SLC35A1: variants seen among roughly 807,000 people sequenced by gnomAD.
The protein encoded by SLC35A1 is solute carrier family 35 member A1.
SLC35A1 carries 21 observed loss-of-function variants against 40.3 expected under a neutral mutation model. The ratio of observed to expected loss-of-function variants is 0.52; its 90% CI spans 0.37 to 0.75. The LOEUF (loss-of-function observed/expected upper bound fraction) is 0.75. Ranked by LOEUF, SLC35A1 falls within the 30% of genes least tolerant of loss-of-function variation. The pLI is 0.00. For synonymous variants in SLC35A1, 146 were observed against 147.3 expected, an observed-to-expected ratio of 0.99 and a Z score of 0.06; for missense variants, 297 against 382.1, an observed-to-expected ratio of 0.78 and a Z score of 1.86.
At chr6:87,507,841 ATC>A (rs1770136091) in intron 5 of SLC35A1, among the ~76,000 whole-genome samples, 2 of 115,406 alleles carry the variant, frequency 1.7e-5, no homozygotes, top group Non-Finnish European at 4.5e-5. Flanking sequence ...AAAATTTATT[ATC>A]CAGTTGGGGA....
chr6:87,484,412 A>G (rs961687891), intron 2 of SLC35A1, among the ~76,000 whole-genome samples: 1 of 152,158 alleles, frequency 6.6e-6, no homozygotes, highest in Non-Finnish European at 1.5e-5. Flanking sequence ...AGAAGGGTAC[A>G]CCCTCACAGT....
At chr6:87,477,220 T>G in intron 1 of SLC35A1, 142 bp from the exon 2 acceptor site, 1 of 729,052 alleles carries the variant, frequency 1.4e-6, no homozygotes, top group Admixed American at 2.4e-5. Context: ...AAACATTGTT[T>G]TGAAAAAAAT....
intron 2 of SLC35A1, among the ~76,000 whole-genome samples, chr6:87,485,268 C>G (rs879847556): frequency 2.0e-5 from 3 of 152,076 alleles, no homozygotes; most frequent in Admixed American, 6.5e-5. Flanking sequence ...AAATTCTTTT[C>G]CCATGTAATG....
intron 2 of SLC35A1, among the ~76,000 whole-genome samples, chr6:87,494,244 C>T (rs1158629042): frequency 6.6e-6 from 1 of 152,068 alleles, no homozygotes; most frequent in African/African-American, 2.4e-5. Context: ...TCTACTCCAA[C>T]ACAAAGATGT....
At chr6:87,482,934 G>A (rs780277785) in intron 2 of SLC35A1, among the ~76,000 whole-genome samples, 62 of 152,134 alleles carry the variant, frequency 4.1e-4, no homozygotes, top group Non-Finnish European at 7.6e-4. Context: ...GGTACAGATT[G>A]AATGCATTTG....
At chr6:87,493,752 CA>C (rs1192705030) in intron 2 of SLC35A1, among the ~76,000 whole-genome samples, 1 of 152,172 alleles carries the variant, frequency 6.6e-6, no homozygotes, top group Non-Finnish European at 1.5e-5. Context: ...TTACAGCATA[CA>C]GTAAAATACT....
intron 2 of SLC35A1, among the ~76,000 whole-genome samples, chr6:87,486,715 G>A (rs1769402694): frequency 6.6e-6 from 1 of 152,144 alleles, no homozygotes; most frequent in African/African-American, 2.4e-5. Context: ...GTAGACTTTA[G>A]GCAAGAAAAG....
Position 87,509,011 on chromosome 6 carries a change from GA to G in SLC35A1, c.752-29del, listed in dbSNP as rs1223716484. The G allele has an allele frequency of 3.2e-5, 51 of 1,612,120 alleles. No individual in the cohort carries two copies. The Admixed American group carries it at 8.0e-4, about 25-fold the overall frequency. ...TATGTAATGTTTCATTTATTTGAGT[GA>G]TAAGATTTTATTTCTCTCTGTATAC... On this transcript the variant is annotated intron_variant, in intron 6 of 7. Transcript: ENST00000369552.
intron 3 of SLC35A1, 70 bp from the exon 4 acceptor site, chr6:87,501,088 A>G: frequency 7.4e-7 from 1 of 1,347,972 alleles, no homozygotes; most frequent in Non-Finnish European, 1.1e-6. Flanking sequence ...TATCAATGAT[A>G]CCAGAAATAA....
chr6:87,480,346 G>C (rs775793542), intron 2 of SLC35A1, among the ~76,000 whole-genome samples: 1 of 152,194 alleles, frequency 6.6e-6, no homozygotes, highest in Non-Finnish European at 1.5e-5. Context: ...ATGTCCACTT[G>C]ATTTGAGGAC....
At chr6:87,506,990 A>G (rs1562027130) in intron 5 of SLC35A1, 1 of 156,496 alleles carries the variant, frequency 6.4e-6, no homozygotes, top group East Asian at 1.8e-4. Flanking sequence ...AATCACTAAC[A>G]TCAACAATCC....
chr6:87,473,060 G>C, intron 1 of SLC35A1, 41 bp downstream of exon 1: 1 of 481,576 alleles, frequency 2.1e-6, no homozygotes, highest in Non-Finnish European at 3.5e-6. Flanking sequence ...TCCGCGGGGG[G>C]CGGCGGCGGG....
rs114156788 is a variant in SLC35A1, at chr6:87,477,364, A to C, written c.19A>C (p.Asn7His). ...TCTTTGTTGCACGTATTTTCCAGACAATGTCACTTTATTATTCAAGTTATA... is the reference window on the plus strand; with the variant it reads ...TCTTTGTTGCACGTATTTTCCAGACCATGTCACTTTATTATTCAAGTTATA... MAAPRD[N>H]VTLLFKLYCL... The change falls in exon 2 of 8, where the codon AAT (asparagine) becomes CAT (histidine). Residue 7 changes from asparagine to histidine, a missense_variant and splice_region_variant. By Grantham distance (68) the Asn-to-His change is moderately conservative (BLOSUM62 1). Coordinates refer to ENST00000369552, the MANE Select transcript of SLC35A1 (RefSeq NM_006416.5). 1,731 of 1,612,270 alleles carry C rather than the reference A, an allele frequency of 1.1e-3. 9 individuals are homozygous for C. In the African/African-American group the frequency reaches 0.02, roughly 19 times the overall value.
At chr6:87,489,772 C>T (rs1769491466) in intron 2 of SLC35A1, among the ~76,000 whole-genome samples, 1 of 151,524 alleles carries the variant, frequency 6.6e-6, no homozygotes, top group African/African-American at 2.4e-5. Context: ...GAACTCCTGA[C>T]CTTGTGATCT....
At chr6:87,505,001 C>T (rs1329732276) in intron 4 of SLC35A1, among the ~76,000 whole-genome samples, 3 of 152,218 alleles carry the variant, frequency 2.0e-5, no homozygotes, top group African/African-American at 7.2e-5. Flanking sequence ...AAACAGATTG[C>T]TAGGCCCATT....
intron 5 of SLC35A1, among the ~76,000 whole-genome samples, chr6:87,507,377 T>C (rs1290267253): frequency 2.0e-5 from 3 of 152,158 alleles, no homozygotes; most frequent in Non-Finnish European, 4.4e-5. Context: ...CTAAAAAATA[T>C]GCTATTTGAT....
intron 4 of SLC35A1, among the ~76,000 whole-genome samples, chr6:87,504,683 A>G (rs557947016): frequency 6.6e-6 from 1 of 152,286 alleles, no homozygotes; most frequent in East Asian, 1.9e-4. Flanking sequence ...CATCACATCT[A>G]CTTCATCACC....
chr6:87,473,837 C>A (rs1310094677), intron 1 of SLC35A1, among the ~76,000 whole-genome samples: 4 of 152,244 alleles, frequency 2.6e-5, no homozygotes, highest in Non-Finnish European at 5.9e-5. Flanking sequence ...CGGATTCTTG[C>A]TCCACCCTTC....
intron 4 of SLC35A1, among the ~76,000 whole-genome samples, chr6:87,505,073 C>T (rs1770036934): frequency 6.6e-6 from 1 of 152,068 alleles, no homozygotes; most frequent in Non-Finnish European, 1.5e-5. Context: ...TCTAACAAAC[C>T]CCCAGTGGTG....
Sources: gnomAD v4.1 joint callset for allele counts (sites outside exome capture counted in the v4.1 genomes callset) on GRCh38, gnomAD v4.1.1 for gene constraint, MANE v1.5 for transcripts, NCBI Gene and HGNC (gene_info 2026-07-23, HGNC 2026-07-21) for gene names.